LINGO2: variants seen among roughly 807,000 people sequenced by gnomAD.
The protein encoded by LINGO2 is leucine-rich repeat and immunoglobulin-like domain-containing nogo receptor-interacting protein 2.
In LINGO2, 14 loss-of-function variants were observed where a neutral mutation model predicts 30.6. That is an observed-to-expected ratio of 0.46 (90% CI 0.30 to 0.72). The LOEUF is 0.72. Among genes scored for constraint, LINGO2 ranks in the 30% least tolerant of loss-of-function variants. LINGO2 has a pLI of 0.07. For synonymous variants in LINGO2, 317 were observed against 288.5 expected (o/e 1.10, Z -1.00); for missense variants, 729 against 751.7 (o/e 0.97, Z 0.35).
the LINGO2 span, chr9:28,888,872 G>A: frequency 1.9e-6 from 1 of 533,842 alleles, no homozygotes; most frequent in South Asian, 1.4e-5. Context: ...GAAATGAGTA[G>A]GAAGATTTGT....
At chr9:27,970,638 A>T (rs1563867482) in intron 5 of LINGO2, among the ~76,000 whole-genome samples, 1 of 152,066 alleles carries the variant, frequency 6.6e-6, no homozygotes, top group Non-Finnish European at 1.5e-5. Context: ...ATTAACACCC[A>T]AGGAAGTAAT....
At chr9:28,959,612 TCACACA>T in the LINGO2 span, among the ~76,000 whole-genome samples, 4 of 132,158 alleles carry the variant, frequency 3.0e-5, no homozygotes, top group Non-Finnish European at 6.2e-5. Flanking sequence ...TCTCTCTCCC[TCACACA>T]CACACACACA....
chr9:28,055,683 T>C (rs546223800), intron 4 of LINGO2, among the ~76,000 whole-genome samples: 1 of 152,178 alleles, frequency 6.6e-6, no homozygotes, highest in Non-Finnish European at 1.5e-5. Flanking sequence ...AAAAACAAAA[T>C]GCTTCTTTGT....
At chr9:28,575,168 C>A (rs1823892981) in intron 1 of LINGO2, among the ~76,000 whole-genome samples, 1 of 152,022 alleles carries the variant, frequency 6.6e-6, no homozygotes, top group Non-Finnish European at 1.5e-5. Flanking sequence ...CTTTGGGAGG[C>A]CGAGGCAGGT....
the LINGO2 span, among the ~76,000 whole-genome samples, chr9:29,059,375 A>AAT: frequency 2.0e-5 from 3 of 151,216 alleles, no homozygotes; most frequent in Non-Finnish European, 4.4e-5. Context: ...GTACTCCAGA[A>AAT]ATATATATAC....
At chr9:28,607,247 T>C (rs918693994) in intron 1 of LINGO2, among the ~76,000 whole-genome samples, 3 of 152,062 alleles carry the variant, frequency 2.0e-5, no homozygotes, top group South Asian at 2.1e-4. Flanking sequence ...GACACCTTCA[T>C]TGAGTCCTAA....
At chr9:29,159,825 C>A in the LINGO2 span, among the ~76,000 whole-genome samples, 1 of 133,188 alleles carries the variant, frequency 7.5e-6, no homozygotes. Flanking sequence ...TGCACTCCAG[C>A]CTGGGCCAAA....
At position 28,172,016 on chromosome 9, in the gene LINGO2, C is replaced by CAAAAAAA. The variant is rs1197927884; in HGVS notation, c.-87+123185_-87+123191dup. On this transcript the variant is annotated intron_variant, in intron 4 of 5. Coordinates refer to ENST00000379992, the Ensembl canonical transcript of LINGO2. Reference sequence around the variant, plus strand: ...CTGGTGACAGAGCAAGACTCCGTCTCAAAAAAAAAAAAAAAAACAAAAAAA... The same window carrying CAAAAAAA: ...CTGGTGACAGAGCAAGACTCCGTCTCAAAAAAAAAAAAAAAAAAAAAAAACAAAAAAA... 1.2e-3 allele frequency among the ~76,000 whole-genome samples: 53 copies of CAAAAAAA among 44,022 alleles called. 3 individuals carry two copies. Among genetic ancestry groups the CAAAAAAA allele is most frequent in the African/African-American group, 3.5e-3 (37 of 10,668 alleles). 28.9% of individuals were successfully genotyped at this position (44,022 alleles called of 152,430 possible).
chr9:28,714,717 T>C, the LINGO2 span, among the ~76,000 whole-genome samples: 2 of 152,274 alleles, frequency 1.3e-5, no homozygotes, highest in East Asian at 1.9e-4. Flanking sequence ...ATGATGTTAA[T>C]GGTTTTGATA....
At chr9:28,051,713 T>C (rs1221191215) in intron 4 of LINGO2, among the ~76,000 whole-genome samples, 1 of 152,088 alleles carries the variant, frequency 6.6e-6, no homozygotes. Flanking sequence ...CCACAGCACA[T>C]AGTTTTGTTC....
intron 4 of LINGO2, among the ~76,000 whole-genome samples, chr9:28,042,046 G>T (rs1316206678): frequency 6.6e-6 from 1 of 152,124 alleles, no homozygotes. Flanking sequence ...TTCATCATCT[G>T]TAAAATGGGG....
chr9:28,797,058 G>T, the LINGO2 span, among the ~76,000 whole-genome samples: 1 of 151,354 alleles, frequency 6.6e-6, no homozygotes, highest in African/African-American at 2.4e-5. Flanking sequence ...TAATTGAGTG[G>T]TGTATTCAAG....
chr9:28,520,883 A>G (rs538542989), intron 1 of LINGO2, among the ~76,000 whole-genome samples: 2 of 152,306 alleles, frequency 1.3e-5, no homozygotes, highest in South Asian at 2.1e-4. Flanking sequence ...ATAAGCACTA[A>G]TTAGAAAATA....
At chr9:27,962,846 G>C (rs1185609461) in intron 5 of LINGO2, among the ~76,000 whole-genome samples, 2 of 152,098 alleles carry the variant, frequency 1.3e-5, no homozygotes, top group Non-Finnish European at 2.9e-5. Context: ...GAGTTGACTA[G>C]GGCCTTTCCA....
chr9:28,627,647 T>C (rs1439123664), intron 1 of LINGO2, among the ~76,000 whole-genome samples: 4 of 152,070 alleles, frequency 2.6e-5, no homozygotes, highest in Non-Finnish European at 5.9e-5. Context: ...TTTTGACAAG[T>C]TTTCTGGCTG....
At chr9:28,562,531 T>C (rs1022765104) in intron 1 of LINGO2, among the ~76,000 whole-genome samples, 1 of 150,728 alleles carries the variant, frequency 6.6e-6, no homozygotes, top group Non-Finnish European at 1.5e-5. Flanking sequence ...AAAGTATATG[T>C]TTCCTTCACA....
intron 2 of LINGO2, among the ~76,000 whole-genome samples, chr9:28,441,251 C>CTTTTTTTTTTTTTTTTTTTTTTTTTTTT (rs72213590): frequency 2.8e-5 from 1 of 36,286 alleles, no homozygotes; most frequent in Non-Finnish European, 5.3e-5. Flanking sequence ...TCATTGGAGG[C>CTTTTTTTTTTTTTTTTTTTTTTTTTTTT]TTTTTTTTTT....
At chr9:28,681,307 T>C in the LINGO2 span, among the ~76,000 whole-genome samples, 5 of 151,982 alleles carry the variant, frequency 3.3e-5, no homozygotes, top group African/African-American at 4.8e-5. Context: ...AAAAGTTAAT[T>C]GGCGGTTGGT....
chr9:29,160,676 T>A, the LINGO2 span, among the ~76,000 whole-genome samples: 1 of 152,214 alleles, frequency 6.6e-6, no homozygotes, highest in Non-Finnish European at 1.5e-5. Context: ...ATCAAACTAA[T>A]GCTAAGGGAC....
Sources: allele counts gnomAD v4.1 joint callset (sites outside exome capture counted in the v4.1 genomes callset), GRCh38; gene constraint gnomAD v4.1.1; transcripts MANE v1.5; gene names NCBI Gene and HGNC (gene_info 2026-07-23, HGNC 2026-07-21).